Variants in SOX6 observed in about 807,000 individuals in gnomAD.
SOX6 encodes the protein transcription factor SOX-6.
In SOX6, 11 loss-of-function variants were observed where a neutral mutation model predicts 97.8. The ratio of observed to expected loss-of-function variants is 0.11; its 90% CI spans 0.07 to 0.19. SOX6 has a LOEUF of 0.19. Ranked by LOEUF, SOX6 falls within the 10% of genes least tolerant of loss-of-function variation. SOX6 has a pLI of 1.00. For synonymous variants in SOX6, 360 were observed against 371.4 expected (o/e 0.97, Z 0.35); for missense variants, 810 against 1,039.5 (o/e 0.78, Z 3.04).
At chr11:16,087,070 T>C (rs1848594176) in intron 9 of SOX6, among the ~76,000 whole-genome samples, 1 of 152,210 alleles carries the variant, frequency 6.6e-6, no homozygotes, top group African/African-American at 2.4e-5. Flanking sequence ...CAGTCCTATT[T>C]TGTTTACTAG....
chr11:16,580,899 C>A (rs1215140783), intron 4 of SOX6, among the ~76,000 whole-genome samples: 3 of 152,038 alleles, frequency 2.0e-5, no homozygotes, highest in Non-Finnish European at 4.4e-5. Flanking sequence ...CAATGAGATA[C>A]CATCTCACGC....
intron 1 of SOX6, among the ~76,000 whole-genome samples, chr11:16,349,715 AGAAG>A (rs545842880): frequency 1.7e-4 from 7 of 41,758 alleles, no homozygotes; most frequent in African/African-American, 4.5e-4. Flanking sequence ...GAAGGAAGGA[AGAAG>A]GAAGGAAGGA....
At chr11:16,144,339 C>T (rs1850231691) in intron 6 of SOX6, among the ~76,000 whole-genome samples, 1 of 152,124 alleles carries the variant, frequency 6.6e-6, no homozygotes, top group South Asian at 2.1e-4. Flanking sequence ...ATCTCTGGGA[C>T]ACATTTAAAG....
chr11:16,488,543 G>T (rs1860470201), intron 4 of SOX6, among the ~76,000 whole-genome samples: 1 of 152,008 alleles, frequency 6.6e-6, no homozygotes, highest in African/African-American at 2.4e-5. Context: ...GTGATGTGGT[G>T]GCTAGTATAG....
chr11:16,342,395 A>C (rs1316455655), intron 1 of SOX6, among the ~76,000 whole-genome samples: 3 of 151,940 alleles, frequency 2.0e-5, no homozygotes, highest in African/African-American at 7.2e-5. Flanking sequence ...TCTCCACCTT[A>C]ATTGCTATTT....
At chr11:16,360,257 T>G (rs1857176756), upstream of SOX6, among the ~76,000 whole-genome samples, 1 of 152,156 alleles carries the variant, frequency 6.6e-6, no homozygotes, top group East Asian at 1.9e-4. Flanking sequence ...CTAGTCTGTT[T>G]GGATGCACCC....
At chr11:16,288,006 C>G (rs1412036211) in intron 3 of SOX6, among the ~76,000 whole-genome samples, 1 of 152,154 alleles carries the variant, frequency 6.6e-6, no homozygotes, top group African/African-American at 2.4e-5. Context: ...TTCCTAGTAA[C>G]ATTGTCTCCC....
At chr11:16,146,876 G>T (rs1225987648) in intron 6 of SOX6, among the ~76,000 whole-genome samples, 1 of 152,196 alleles carries the variant, frequency 6.6e-6, no homozygotes, top group African/African-American at 2.4e-5. Flanking sequence ...AGGATGTGGA[G>T]AAATAGGAAA....
At chr11:16,005,271 GT>G (rs1235711651) in intron 13 of SOX6, among the ~76,000 whole-genome samples, 1 of 151,844 alleles carries the variant, frequency 6.6e-6, no homozygotes, top group African/African-American at 2.4e-5. Flanking sequence ...ATTTCAAAAG[GT>G]TCTCTACGAT....
intron 13 of SOX6, among the ~76,000 whole-genome samples, chr11:16,010,090 T>A (rs200276611): frequency 3.3e-5 from 4 of 122,244 alleles, no homozygotes; most frequent in South Asian, 2.4e-4. Flanking sequence ...ATAAAAAAAA[T>A]ATCCTGAGAT....
intron 4 of SOX6, among the ~76,000 whole-genome samples, chr11:16,597,875 A>G (rs892253170): frequency 6.6e-6 from 1 of 152,054 alleles, no homozygotes; most frequent in African/African-American, 2.4e-5. Flanking sequence ...TAAACTCTAC[A>G]TTTAGTCATT....
intron 9 of SOX6, among the ~76,000 whole-genome samples, chr11:16,062,385 T>C (rs78754489): frequency 0.014 from 2,113 of 151,804 alleles, 45 homozygotes; most frequent in African/African-American, 0.049. Context: ...CATAAGGGTC[T>C]ACAAAAATGT....
chr11:16,644,543 T>C (rs1274796536), intron 3 of SOX6, among the ~76,000 whole-genome samples: 2 of 152,170 alleles, frequency 1.3e-5, no homozygotes, highest in Non-Finnish European at 1.5e-5. Context: ...TTTTATTTCA[T>C]GAATTATTGA....
intron 3 of SOX6, among the ~76,000 whole-genome samples, chr11:16,306,593 T>C (rs1393854915): frequency 6.7e-6 from 1 of 150,158 alleles, no homozygotes; most frequent in African/African-American, 2.4e-5. Flanking sequence ...GTCCTGAGAT[T>C]GTTACATCCT....
intron 1 of SOX6, among the ~76,000 whole-genome samples, chr11:16,418,256 T>C (rs73433536): frequency 1.0e-3 from 158 of 152,302 alleles, no homozygotes; most frequent in African/African-American, 3.4e-3. Flanking sequence ...ATTCGTAAAA[T>C]AACTAATTTT....
chr11:16,496,718 T>C (rs1393634093), intron 4 of SOX6, among the ~76,000 whole-genome samples: 1 of 152,160 alleles, frequency 6.6e-6, no homozygotes, highest in Non-Finnish European at 1.5e-5. Flanking sequence ...GCCTCTCTCA[T>C]TGCTAGCACA....
intron 4 of SOX6, among the ~76,000 whole-genome samples, chr11:16,507,797 G>T (rs996872796): frequency 2.0e-5 from 3 of 152,016 alleles, no homozygotes; most frequent in African/African-American, 7.2e-5. Flanking sequence ...ACTACTAGGA[G>T]AAATACTTCA....
chr11:16,656,104 G>A (rs1847715202), intron 3 of SOX6, among the ~76,000 whole-genome samples: 1 of 151,484 alleles, frequency 6.6e-6, no homozygotes, highest in Non-Finnish European at 1.5e-5. Flanking sequence ...TTTTGAGAAG[G>A]AGTCTTGCTA....
intron 4 of SOX6, among the ~76,000 whole-genome samples, chr11:16,563,052 AG>A (rs1438499665): frequency 6.6e-6 from 1 of 152,212 alleles, no homozygotes; most frequent in South Asian, 2.1e-4. Flanking sequence ...ATACCACAAA[AG>A]ATCTCAAATT....
Sources: gnomAD v4.1 joint callset for allele counts (sites outside exome capture counted in the v4.1 genomes callset) on GRCh38, gnomAD v4.1.1 for gene constraint, MANE v1.5 for transcripts, NCBI Gene and HGNC (gene_info 2026-07-23, HGNC 2026-07-21) for gene names.